CLASP1: variants seen among roughly 807,000 people sequenced by gnomAD.
CLASP1 encodes the protein cytoplasmic linker associated protein 1, also known as CLIP-associating protein 1.
A neutral mutation model predicts 192.3 loss-of-function variants in CLASP1; 38 were observed. The observed-to-expected ratio is 0.20, with a 90% confidence interval of 0.15 to 0.26. CLASP1 has a LOEUF of 0.26. Among genes scored for constraint, CLASP1 ranks in the 10% least tolerant of loss-of-function variants. The pLI is 1.00. For synonymous variants in CLASP1, 691 were observed against 712.8 expected, an observed-to-expected ratio of 0.97 and a Z score of 0.49; for missense variants, 1,433 against 1,932.5, an observed-to-expected ratio of 0.74 and a Z score of 4.85.
At chr2:121,606,902 C>G (rs1028722662) in intron 1 of CLASP1, among the ~76,000 whole-genome samples, 1 of 148,928 alleles carries the variant, frequency 6.7e-6, no homozygotes, top group Non-Finnish European at 1.5e-5. Context: ...ACTAAAAATA[C>G]AAAAATTAGC....
intron 35 of CLASP1, among the ~76,000 whole-genome samples, chr2:121,366,836 A>C (rs895468459): frequency 1.6e-4 from 24 of 152,232 alleles, no homozygotes; most frequent in African/African-American, 5.8e-4. Flanking sequence ...TCAGTTCCCG[A>C]AAAAAACACC....
At chr2:121,484,817 C>T (rs886888114) in intron 8 of CLASP1, among the ~76,000 whole-genome samples, 15 of 152,312 alleles carry the variant, frequency 9.8e-5, no homozygotes, top group Admixed American at 3.9e-4. Flanking sequence ...GAGGAGCAGG[C>T]TAGTTGCCAC....
At chr2:121,444,764 G>A (rs1313338213) in intron 19 of CLASP1, among the ~76,000 whole-genome samples, 1 of 152,154 alleles carries the variant, frequency 6.6e-6, no homozygotes, top group Non-Finnish European at 1.5e-5. Context: ...GAGAACTCAG[G>A]TAGAGGTAGG....
chr2:121,400,445 C>T (rs997505176), intron 28 of CLASP1, among the ~76,000 whole-genome samples: 1 of 152,148 alleles, frequency 6.6e-6, no homozygotes, highest in African/African-American at 2.4e-5. Flanking sequence ...AGGGAGATGC[C>T]GGCAGGGCAG....
At chr2:121,434,997 G>A (rs2082063915) in intron 19 of CLASP1, among the ~76,000 whole-genome samples, 1 of 151,560 alleles carries the variant, frequency 6.6e-6, no homozygotes, top group Non-Finnish European at 1.5e-5. Flanking sequence ...TCTTCTATCT[G>A]TAGTCTTAAG....
chr2:121,582,071 G>A (rs1489141179), intron 2 of CLASP1, among the ~76,000 whole-genome samples: 2 of 151,910 alleles, frequency 1.3e-5, no homozygotes, highest in African/African-American at 4.8e-5. Flanking sequence ...GCTGAGGCAG[G>A]AGAATCATCT....
At chr2:121,397,035 T>G in intron 30 of CLASP1, 105 bp downstream of exon 31, 1 of 1,049,498 alleles carries the variant, frequency 9.5e-7, no homozygotes, top group Non-Finnish European at 1.5e-6. Context: ...GCCTTAGTGA[T>G]ATAGGTTTGT....
rs116126912 is a variant in CLASP1, at chr2:121,492,662, A to G, written c.712+10505T>C. 5.2e-3 allele frequency among the ~76,000 whole-genome samples: 727 copies of G among 138,518 alleles called. 9 individuals carry two copies. Among genetic ancestry groups the G allele is most frequent in the African/African-American group, 0.023 (705 of 30,854 alleles). 90.9% of individuals were successfully genotyped at this position (138,518 alleles called of 152,430 possible). A position where few individuals can be genotyped will look rare whatever the true frequency, so the allele number is the denominator to read the frequency against. On this transcript the variant is annotated intron_variant, in intron 8 of 39. Coordinates refer to ENST00000263710, the Ensembl canonical transcript of CLASP1. ...ACTTCATAATTACTAGGGTGACTAC[A>G]ATTAAAAAAAATAAAAAAAAAAAAA...
intron 32 of CLASP1, among the ~76,000 whole-genome samples, chr2:121,386,243 T>C (rs879795022): frequency 1.3e-5 from 2 of 152,340 alleles, no homozygotes; most frequent in South Asian, 2.1e-4. Flanking sequence ...AGCATACTTG[T>C]GGTATTTGCA....
chr2:121,391,297 T>C (rs1238297066), intron 30 of CLASP1, among the ~76,000 whole-genome samples: 1 of 152,226 alleles, frequency 6.6e-6, no homozygotes, highest in Non-Finnish European at 1.5e-5. Context: ...CAGAGCAGGT[T>C]GAAGCTGACC....
At chr2:121,609,362 A>G (rs1222706993) in intron 1 of CLASP1, among the ~76,000 whole-genome samples, 1 of 152,220 alleles carries the variant, frequency 6.6e-6, no homozygotes, top group Non-Finnish European at 1.5e-5. Context: ...AACAGGTCAC[A>G]AATTCCTATC....
chr2:121,613,825 G>C (rs773571621), intron 1 of CLASP1, among the ~76,000 whole-genome samples: 1 of 152,168 alleles, frequency 6.6e-6, no homozygotes, highest in Non-Finnish European at 1.5e-5. Flanking sequence ...ATACTTAGTA[G>C]CTTAAAACAA....
At chr2:121,456,611 T>A (rs1033146727) in intron 14 of CLASP1, among the ~76,000 whole-genome samples, 1 of 151,146 alleles carries the variant, frequency 6.6e-6, no homozygotes, top group South Asian at 2.1e-4. Flanking sequence ...GGAAAGAAAA[T>A]TTTTAAAAAG....
chr2:121,511,451 G>A (rs574358516), intron 7 of CLASP1, among the ~76,000 whole-genome samples: 221 of 152,182 alleles, frequency 1.5e-3, no homozygotes, highest in African/African-American at 5.1e-3. Context: ...AGCCAGGCAC[G>A]GTGGTGCATG....
At chr2:121,484,153 G>C (rs1196421847) in intron 8 of CLASP1, among the ~76,000 whole-genome samples, 1 of 152,186 alleles carries the variant, frequency 6.6e-6, no homozygotes, top group East Asian at 1.9e-4. Context: ...TCTTTAAAGA[G>C]ATTTTTGTAA....
intron 2 of CLASP1, among the ~76,000 whole-genome samples, chr2:121,587,008 C>T (rs983621632): frequency 2.6e-5 from 4 of 151,574 alleles, no homozygotes; most frequent in South Asian, 4.2e-4. Flanking sequence ...TTTGGGAGGC[C>T]GAGGCGGGCG....
chr2:121,345,151 T>C (rs1054400428), intron 39 of CLASP1, among the ~76,000 whole-genome samples: 5 of 152,066 alleles, frequency 3.3e-5, no homozygotes, highest in Non-Finnish European at 5.9e-5. Flanking sequence ...CATATAAAAA[T>C]AATAACAATA....
chr2:121,479,025 CACACA>C (rs1559370779), intron 8 of CLASP1, among the ~76,000 whole-genome samples: 10 of 98,748 alleles, frequency 1.0e-4, no homozygotes, highest in African/African-American at 3.2e-4. Flanking sequence ...ACCACACACA[CACACA>C]CCCCACACAC....
At chr2:121,469,992 T>A in intron 8 of CLASP1, 32 bp from the exon 9 acceptor site, 2 of 1,568,800 alleles carry the variant, frequency 1.3e-6, no homozygotes, top group Non-Finnish European at 1.7e-6. Context: ...CAACGTTTTT[T>A]TAAAAACAAA....
Sources: allele counts gnomAD v4.1 joint callset (sites outside exome capture counted in the v4.1 genomes callset), GRCh38; gene constraint gnomAD v4.1.1; transcripts MANE v1.5; gene names NCBI Gene and HGNC (gene_info 2026-07-23, HGNC 2026-07-21).